The following PCDHA1 variants were observed in gnomAD, a reference collection of about 807,000 sequenced individuals.
PCDHA1 encodes the protein protocadherin alpha 1, also known as protocadherin alpha-1.
PCDHA1 carries 42 observed loss-of-function variants against 61.3 expected under a neutral mutation model. The ratio of observed to expected loss-of-function variants is 0.69; its 90% CI spans 0.54 to 0.89. PCDHA1 has a LOEUF of 0.89. PCDHA1 is among the 40% of genes least tolerant of loss of function. The pLI, the probability that PCDHA1 is intolerant of heterozygous loss-of-function variation, is 0.00. For missense variants in PCDHA1, 1,256 were observed against 1,235.3 expected (o/e 1.02, Z -0.25); for synonymous variants, 610 against 553.8 (o/e 1.10, Z -1.43).
intron 1 of PCDHA1, among the ~76,000 whole-genome samples, chr5:140,820,140 C>A (rs1766693487): frequency 1.3e-5 from 2 of 151,718 alleles, no homozygotes; most frequent in South Asian, 4.2e-4. Context: ...TAAAATATTT[C>A]AAAATTATCA....
chr5:140,795,634 G>C, intron 1 of PCDHA1: 1 of 1,614,130 alleles, frequency 6.2e-7, no homozygotes, highest in Non-Finnish European at 8.5e-7. Context: ...TGAGCTCACG[G>C]GCACCGTTCA....
intron 2 of PCDHA1, chr5:140,982,197 A>G: frequency 1.5e-5 from 6 of 389,618 alleles, no homozygotes; most frequent in Non-Finnish European, 2.1e-5. Flanking sequence ...TTCCTGTTAG[A>G]TTTAGTGAGC....
chr5:140,802,967 G>T lies in PCDHA1; in HGVS notation c.2394+14283G>T. 2.5e-6 allele frequency: 4 copies of T among 1,613,992 alleles called. No individual in the cohort carries two copies. In the South Asian group the frequency reaches 3.3e-5, roughly 13 times the overall value. The stretch of plus-strand genomic sequence containing the variant: ...CGCGGTCAGTGGGTGCGGGCCACGT[G>T]GTAGCGAAGGTGCGCGCAGTGGATG... On this transcript the variant is annotated intron_variant, in intron 1 of 3. Coordinates refer to ENST00000504120, the MANE Select transcript of PCDHA1 (RefSeq NM_018900.4).
intron 1 of PCDHA1, among the ~76,000 whole-genome samples, chr5:140,953,801 T>C (rs2094937379): frequency 6.6e-6 from 1 of 152,204 alleles, no homozygotes; most frequent in Non-Finnish European, 1.5e-5. Flanking sequence ...ACTTTTAAGT[T>C]CTGAGGTGCA....
intron 1 of PCDHA1, chr5:140,865,310 G>T (rs1315373536): frequency 3.9e-5 from 6 of 152,276 alleles, no homozygotes; most frequent in African/African-American, 1.4e-4. Flanking sequence ...AATTACAAAT[G>T]AGATGGCCTT....
At position 140,877,685 on chromosome 5, in the gene PCDHA1, C is replaced by T. The variant is rs377753884; in HGVS notation, c.2394+89001C>T. On this transcript the variant is annotated intron_variant, in intron 1 of 3. Transcript: ENST00000504120. Reference sequence around the variant, plus strand: ...AGCCGGTGCGCGCCGGGCAAGCCCACGCTGGTGTGCTCCAGCGCCGTGGGG... The same window carrying T: ...AGCCGGTGCGCGCCGGGCAAGCCCATGCTGGTGTGCTCCAGCGCCGTGGGG... 3.4e-5 allele frequency: 55 copies of T among 1,613,628 alleles called. No homozygotes were observed. Among genetic ancestry groups the T allele is most frequent in the Non-Finnish European group, 4.6e-5 (54 of 1,179,904 alleles).
intron 3 of PCDHA1, among the ~76,000 whole-genome samples, chr5:140,983,234 G>C (rs1021819523): frequency 6.6e-6 from 1 of 152,196 alleles, no homozygotes; most frequent in Non-Finnish European, 1.5e-5. Context: ...TTTCAGGAAA[G>C]AGAACCTGCT....
In PCDHA1 at chr5:140,796,906, C is replaced by T. The variant is rs549000416; in HGVS notation, c.2394+8222C>T. On this transcript the variant is annotated intron_variant, in intron 1 of 3. Transcript: ENST00000504120. ...GGCTGACTCCCCTCGACACCGCCTA[C>T]TCGTGCTGGTGAAGGACCACGGCGA... 13 of 1,613,940 alleles carry T rather than the reference C, an allele frequency of 8.1e-6. No homozygotes were observed. In the African/African-American group the frequency reaches 1.5e-4, roughly 18 times the overall value.
intron 1 of PCDHA1, chr5:140,928,828 C>G (rs199775949): frequency 6.2e-7 from 1 of 1,614,160 alleles, no homozygotes. Context: ...AGACCCACCA[C>G]TTTCCTCCTC....
At chr5:140,892,998 AT>A (rs2063775886) in intron 1 of PCDHA1, among the ~76,000 whole-genome samples, 1 of 152,170 alleles carries the variant, frequency 6.6e-6, no homozygotes, top group South Asian at 2.1e-4. Context: ...GAGAACATGT[AT>A]TTATTTTTCT....
rs370812126 is a variant in PCDHA1, at chr5:140,869,802, G to A, written c.2394+81118G>A. On this transcript the variant is annotated intron_variant, in intron 1 of 3. Coordinates refer to ENST00000504120, the MANE Select transcript of PCDHA1 (RefSeq NM_018900.4). ...CCGTTCGGCTGTTAGTCCAAGTCTT[G>A]GATGTCAACGACAATGATCCAGAGT... 12 of 1,612,438 alleles carry A rather than the reference G, an allele frequency of 7.4e-6. No homozygotes were observed. The African/African-American group carries it at 1.3e-4, about 18-fold the overall frequency.
rs2150413547 is a variant in PCDHA1, at chr5:140,848,594, C to T, written c.2394+59910C>T. On this transcript the variant is annotated intron_variant, in intron 1 of 3. Coordinates refer to ENST00000504120, the MANE Select transcript of PCDHA1 (RefSeq NM_018900.4). The stretch of plus-strand genomic sequence containing the variant: ...TGGTGGGGAGCGGCCAGCTCCACTA[C>T]TCCGTCCCGGAGGAAGCCGAACACG... 3.8e-6 allele frequency: 6 copies of T among 1,594,526 alleles called. 1 individual carries two copies. In the African/African-American group the frequency reaches 4.0e-5, roughly 11 times the overall value.
chr5:140,795,546 C>A (rs757969639), intron 1 of PCDHA1: 5 of 1,614,098 alleles, frequency 3.1e-6, no homozygotes, highest in Non-Finnish European at 4.2e-6. Flanking sequence ...CTTTGTCTCT[C>A]GTGCTGGGGA....
chr5:140,788,978 A>C, intron 1 of PCDHA1: 2 of 439,754 alleles, frequency 4.5e-6, no homozygotes, highest in Non-Finnish European at 7.6e-6. Flanking sequence ...ACAATATCTC[A>C]ATGTAGTAAA....
At chr5:140,843,109 A>T (rs2150352812) in intron 1 of PCDHA1, 2 of 1,595,800 alleles carry the variant, frequency 1.3e-6, no homozygotes. Context: ...AGGTGCGCGC[A>T]GTGGACGCCG....
intron 1 of PCDHA1, among the ~76,000 whole-genome samples, chr5:140,956,217 T>C (rs1554222303): frequency 1.1e-4 from 17 of 152,208 alleles, no homozygotes. Flanking sequence ...GGCATCCTTG[T>C]CTTGTGCTGG....
At chr5:140,941,255 C>CTTTCTT (rs782490896) in intron 1 of PCDHA1, among the ~76,000 whole-genome samples, 957 of 44,428 alleles carry the variant, frequency 0.022, 12 homozygotes, top group African/African-American at 0.028. Flanking sequence ...TTCTTTCTTT[C>CTTTCTT]TCTTTCTTTC....
chr5:140,968,918 A>G, intron 1 of PCDHA1: 1 of 1,614,164 alleles, frequency 6.2e-7, no homozygotes, highest in Non-Finnish European at 8.5e-7. Context: ...AGTGTCTTTT[A>G]TATTTCTTTT....
At chr5:140,876,709 C>T (rs782033453) in intron 1 of PCDHA1, 1 of 1,614,248 alleles carries the variant, frequency 6.2e-7, no homozygotes, top group Non-Finnish European at 8.5e-7. Context: ...GGACAGCGCC[C>T]TGGACCGCGA....
Sources: allele counts gnomAD v4.1 joint callset (sites outside exome capture counted in the v4.1 genomes callset), GRCh38; gene constraint gnomAD v4.1.1; transcripts MANE v1.5; gene names NCBI Gene and HGNC (gene_info 2026-07-23, HGNC 2026-07-21).